KIAA1958: variants seen among roughly 807,000 people sequenced by gnomAD.
The protein encoded by KIAA1958 is KIAA1958.
A neutral mutation model predicts 47.2 loss-of-function variants in KIAA1958; 14 were observed. The observed-to-expected ratio is 0.30, with a 90% CI of 0.20 to 0.46. The LOEUF is 0.46. Among genes scored for constraint, KIAA1958 ranks in the 20% least tolerant of loss-of-function variants. The pLI, the probability that KIAA1958 is intolerant of heterozygous loss-of-function variation, is 1.00. For missense variants in KIAA1958, 803 were observed against 909.2 expected, an observed-to-expected ratio of 0.88 and a Z score of 1.50; for synonymous variants, 354 against 353.3, an observed-to-expected ratio of 1.00 and a Z score of -0.02.
intron 2 of KIAA1958, among the ~76,000 whole-genome samples, chr9:112,583,386 A>G (rs1038338318): frequency 1.3e-5 from 2 of 152,240 alleles, no homozygotes; most frequent in African/African-American, 4.8e-5. Context: ...TGGTGGAAAT[A>G]TAAATTGGTA....
chr9:112,560,793 C>A (rs1835313794), intron 1 of KIAA1958, among the ~76,000 whole-genome samples: 1 of 152,098 alleles, frequency 6.6e-6, no homozygotes, highest in Admixed American at 6.6e-5. Context: ...TAGAATATTG[C>A]AAGGTAGTTG....
At position 112,623,437 on chromosome 9, in the gene KIAA1958, T is replaced by A. The variant is rs981636776; in HGVS notation, c.1172-22213T>A. Among the ~76,000 whole-genome samples, 6 of 152,350 alleles carry A rather than the reference T, an allele frequency of 3.9e-5. No homozygotes were observed. In the East Asian group the frequency reaches 7.7e-4, roughly 20 times the overall value. On this transcript the variant is annotated intron_variant, in intron 2 of 3. Transcript: ENST00000337530. Reference sequence around the variant, plus strand: ...CCAGATCCCATTAAGCACTCTCTTTTTCTGCTGTAGCTACTTGTTCAAGAA... The same window carrying A: ...CCAGATCCCATTAAGCACTCTCTTTATCTGCTGTAGCTACTTGTTCAAGAA...
intron 3 of KIAA1958, among the ~76,000 whole-genome samples, chr9:112,648,036 TCATA>T (rs1364995436): frequency 6.6e-6 from 1 of 152,240 alleles, no homozygotes; most frequent in East Asian, 1.9e-4. Context: ...AACATGTGAC[TCATA>T]CATGGGAGAA....
rs570555777 is a variant in KIAA1958, at chr9:112,660,204, C to T, written c.*135C>T. On this transcript the variant is annotated 3_prime_UTR_variant, in exon 4 of 4. Transcript: ENST00000337530. ...GGCGGCTCTCCCCTGGTGTGGCCTG[C>T]CCTCCCTTTGACTTGGGGTTTGCTT... 8.8e-6 allele frequency: 6 copies of T among 679,940 alleles called. No homozygotes were observed. Among genetic ancestry groups the T allele is most frequent in the Admixed American group, 5.6e-5 (2 of 35,948 alleles). The allele number at this position is 679,940 out of a possible 1,614,324, so 42.1% of individuals were successfully genotyped here.
chr9:112,489,884 T>G (rs1833933269), intron 1 of KIAA1958, among the ~76,000 whole-genome samples: 1 of 152,214 alleles, frequency 6.6e-6, no homozygotes, highest in South Asian at 2.1e-4. Flanking sequence ...GGCCACTTTA[T>G]GTTAACTGGA....
In KIAA1958 at chr9:112,662,341, AAC is replaced by A. The variant is rs1564206723; in HGVS notation, c.*2276_*2277del. 6.6e-6 allele frequency: 1 copy of A among 152,228 alleles called. No homozygotes were observed. Among genetic ancestry groups the A allele is most frequent in the Admixed American group, 6.5e-5 (1 of 15,280 alleles). The allele number at this position is 152,228 out of a possible 1,614,324, so 9.4% of individuals were successfully genotyped here. On this transcript the variant is annotated 3_prime_UTR_variant, in exon 4 of 4. Transcript: ENST00000337530. ...CTTGGGAAACAAGAGTGAGGAAGAAAACACAGTCATCAAGTGCCAGCGTGTGC... is the reference window on the plus strand; with the variant it reads ...CTTGGGAAACAAGAGTGAGGAAGAAAACAGTCATCAAGTGCCAGCGTGTGC...
chr9:112,601,704 T>C (rs1725049461), intron 2 of KIAA1958, among the ~76,000 whole-genome samples: 1 of 152,226 alleles, frequency 6.6e-6, no homozygotes, highest in African/African-American at 2.4e-5. Flanking sequence ...CCCTGTTCTT[T>C]AGGACCATGT....
chr9:112,644,699 C>G (rs1191318375), intron 2 of KIAA1958, among the ~76,000 whole-genome samples: 1 of 152,054 alleles, frequency 6.6e-6, no homozygotes, highest in Non-Finnish European at 1.5e-5. Context: ...AGATGTGAGC[C>G]CCTCTGAAAT....
At chr9:112,526,990 T>C (rs191082847) in intron 1 of KIAA1958, among the ~76,000 whole-genome samples, 1 of 152,358 alleles carries the variant, frequency 6.6e-6, no homozygotes, top group East Asian at 1.9e-4. Flanking sequence ...ATTTTAGCAC[T>C]AATGTTGATT....
At chr9:112,495,086 A>ATT (rs527464296) in intron 1 of KIAA1958, among the ~76,000 whole-genome samples, 1 of 145,274 alleles carries the variant, frequency 6.9e-6, no homozygotes. Context: ...TACCAGCTGA[A>ATT]TTTTTTTTTT....
At chr9:112,641,494 G>A (rs1162483617) in intron 2 of KIAA1958, among the ~76,000 whole-genome samples, 7 of 150,084 alleles carry the variant, frequency 4.7e-5, no homozygotes, top group African/African-American at 1.7e-4. Flanking sequence ...ATTTCACCAA[G>A]ATATGTTTAC....
chr9:112,533,610 A>AT (rs1409306282), intron 1 of KIAA1958, among the ~76,000 whole-genome samples: 1 of 145,294 alleles, frequency 6.9e-6, no homozygotes, highest in Non-Finnish European at 1.5e-5. Context: ...AAAAAAGAAA[A>AT]GAGGTTTAAT....
intron 2 of KIAA1958, among the ~76,000 whole-genome samples, chr9:112,595,418 T>C (rs2131194405): frequency 6.6e-6 from 1 of 152,284 alleles, no homozygotes; most frequent in African/African-American, 2.4e-5. Context: ...CCCAGCACTT[T>C]GGGAGGCCAA....
At chr9:112,602,850 A>C (rs1836157629) in intron 2 of KIAA1958, among the ~76,000 whole-genome samples, 1 of 152,154 alleles carries the variant, frequency 6.6e-6, no homozygotes, top group South Asian at 2.1e-4. Flanking sequence ...ATTTTATGCC[A>C]CTCACTTTTG....
chr9:112,659,223 G>A lies in KIAA1958; in HGVS notation c.1345-40G>A, dbSNP rs370466675. ...GAAGGAAGGAGGGGTCTGGCTGTGT[G>A]AGTGTCAAGTGTGTAACCTCCGTGT... is the stretch of plus-strand genomic sequence containing the variant. On this transcript the variant is annotated intron_variant, in intron 3 of 3. Coordinates refer to ENST00000337530, the MANE Select transcript of KIAA1958 (RefSeq NM_133465.4). 1.1e-5 allele frequency: 17 copies of A among 1,545,288 alleles called. No individual in the cohort carries two copies. In the African/African-American group the frequency reaches 2.0e-4, roughly 18 times the overall value.
chr9:112,613,336 A>G (rs1588040006), intron 2 of KIAA1958, among the ~76,000 whole-genome samples: 2 of 152,224 alleles, frequency 1.3e-5, no homozygotes, highest in Admixed American at 6.5e-5. Flanking sequence ...AAAATACGCA[A>G]GTCAGTTCTA....
In KIAA1958 at chr9:112,665,338, T is replaced by C. The variant is rs954957845; in HGVS notation, c.*5269T>C. ...ACTGTGTTACGTGCTTTCTCACAGC[T>C]GCCATATATTCTCATGTAATCTTTA... On this transcript the variant is annotated 3_prime_UTR_variant, in exon 4 of 4. Coordinates refer to ENST00000337530, the MANE Select transcript of KIAA1958 (RefSeq NM_133465.4). The C allele has an allele frequency of 6.6e-6, 1 of 152,274 alleles. No individual in the cohort carries two copies. The highest frequency in any genetic ancestry group is 1.5e-5 in the Non-Finnish European group (1 of 68,050). The allele number at this position is 152,274 out of a possible 1,614,324, so 9.4% of individuals were successfully genotyped here.
intron 1 of KIAA1958, among the ~76,000 whole-genome samples, chr9:112,523,062 G>A (rs1246339791): frequency 2.0e-5 from 3 of 152,278 alleles, no homozygotes; most frequent in South Asian, 2.1e-4. Context: ...CCACAGCACA[G>A]CTAGATACCA....
At chr9:112,509,421 G>A (rs186242108) in intron 1 of KIAA1958, among the ~76,000 whole-genome samples, 3 of 151,494 alleles carry the variant, frequency 2.0e-5, no homozygotes, top group African/African-American at 4.8e-5. Flanking sequence ...GGCTCATCTC[G>A]AACTCCTGAC....
Sources: gnomAD v4.1 joint callset for allele counts (sites outside exome capture counted in the v4.1 genomes callset) on GRCh38, gnomAD v4.1.1 for gene constraint, MANE v1.5 for transcripts, NCBI Gene and HGNC (gene_info 2026-07-23, HGNC 2026-07-21) for gene names.